The following CFAP61 variants were observed in gnomAD, a reference collection of about 807,000 sequenced individuals.
CFAP61 encodes cilia- and flagella-associated protein 61.
A neutral mutation model predicts 135.6 loss-of-function variants in CFAP61; 107 were observed. The observed-to-expected ratio is 0.79, with a 90% CI of 0.67 to 0.93. The LOEUF is 0.93. CFAP61 is among the 40% of genes least tolerant of loss of function. The probability of loss-of-function intolerance (pLI) is 0.00; values close to 1 mark genes in which losing one functional copy is unlikely to be tolerated. For synonymous variants in CFAP61, 575 were observed against 578.5 expected (o/e 0.99, Z 0.09); for missense variants, 1,507 against 1,556.2 (o/e 0.97, Z 0.53).
chr20:20,296,552 A>T (rs1337237354), intron 24 of CFAP61, among the ~76,000 whole-genome samples: 2 of 151,032 alleles, frequency 1.3e-5, no homozygotes, highest in East Asian at 1.9e-4. Context: ...TTCATCAAAA[A>T]ATCTAGTTCC....
chr20:20,348,433 A>AT (rs1227035233), intron 26 of CFAP61, among the ~76,000 whole-genome samples: 1 of 152,170 alleles, frequency 6.6e-6, no homozygotes, highest in African/African-American at 2.4e-5. Flanking sequence ...CACGCCTATA[A>AT]TCTCAGCAAT....
chr20:20,052,645 C>G, intron 1 of CFAP61, 54 bp downstream of exon 1: 1 of 1,613,386 alleles, frequency 6.2e-7, no homozygotes. Context: ...TGCAGGGCGT[C>G]CAGGGCGCAT....
intron 26 of CFAP61, among the ~76,000 whole-genome samples, chr20:20,354,451 C>T (rs1373535683): frequency 6.9e-6 from 1 of 144,830 alleles, no homozygotes; most frequent in Non-Finnish European, 1.5e-5. Flanking sequence ...TGTGGTGAGC[C>T]AAGATCATAC....
At chr20:20,087,041 C>T (rs543670335) in intron 6 of CFAP61, among the ~76,000 whole-genome samples, 1 of 152,234 alleles carries the variant, frequency 6.6e-6, no homozygotes, top group Non-Finnish European at 1.5e-5. Context: ...CAACTTGTAT[C>T]ATTATTGGTG....
chr20:20,252,779 T>C (rs2051053692), intron 20 of CFAP61, among the ~76,000 whole-genome samples: 1 of 152,236 alleles, frequency 6.6e-6, no homozygotes, highest in South Asian at 2.1e-4. Context: ...AGACAGGGTC[T>C]CCACCTGGGT....
intron 8 of CFAP61, among the ~76,000 whole-genome samples, chr20:20,099,127 T>TCACA (rs11087302): frequency 0.33 from 48,878 of 149,150 alleles, 8,102 homozygotes; most frequent in South Asian, 0.44. Flanking sequence ...GTTTCAGGTT[T>TCACA]CACACACACA....
intron 13 of CFAP61, among the ~76,000 whole-genome samples, chr20:20,179,808 AT>A (rs2146847069): frequency 6.6e-6 from 1 of 152,348 alleles, no homozygotes; most frequent in South Asian, 2.1e-4. Flanking sequence ...TCGTGCTGGG[AT>A]AACTGGGTAG....
chr20:20,198,621 C>A (rs1307516014), intron 16 of CFAP61, among the ~76,000 whole-genome samples: 2 of 152,126 alleles, frequency 1.3e-5, no homozygotes, highest in African/African-American at 4.8e-5. Context: ...TAAAGTTGAG[C>A]TTTTTGGCTC....
At chr20:20,229,486 G>T (rs2048976109) in intron 18 of CFAP61, among the ~76,000 whole-genome samples, 1 of 152,148 alleles carries the variant, frequency 6.6e-6, no homozygotes, top group Non-Finnish European at 1.5e-5. Flanking sequence ...TGAGAGGTAA[G>T]CAGGAGATGG....
Position 20,145,839 on chromosome 20 carries a change from C to T in CFAP61, c.951+2891C>T, listed in dbSNP as rs145508072. Among the ~76,000 whole-genome samples, 656 of 152,220 alleles carry T rather than the reference C, an allele frequency of 4.3e-3. 5 individuals are homozygous for T. Among genetic ancestry groups the T allele is most frequent in the African/African-American group, 0.015 (625 of 41,542 alleles). On this transcript the variant is annotated intron_variant, in intron 9 of 26. Coordinates refer to ENST00000245957, the MANE Select transcript of CFAP61 (RefSeq NM_015585.4). ...ACTTATGCACCCAATAACAGTGCTT[C>T]AAAACATACGAAGCAAAAAGTTGTA... is the stretch of plus-strand genomic sequence containing the variant.
At chr20:20,089,751 C>T (rs1293352168) in intron 6 of CFAP61, among the ~76,000 whole-genome samples, 1 of 152,082 alleles carries the variant, frequency 6.6e-6, no homozygotes, top group Non-Finnish European at 1.5e-5. Flanking sequence ...GTTTTTGTTC[C>T]CACCTGCCAC....
intron 24 of CFAP61, among the ~76,000 whole-genome samples, chr20:20,292,447 T>A (rs2147069213): frequency 6.6e-6 from 1 of 152,294 alleles, no homozygotes; most frequent in Non-Finnish European, 1.5e-5. Flanking sequence ...TCTATTGCTG[T>A]ATAAAAAACA....
rs112932946 is a variant in CFAP61 at position 20,280,334 on chromosome 20, C to T, written c.2796+2876C>T. Among the ~76,000 whole-genome samples the T allele has an allele frequency of 5.3e-3, 803 of 152,250 alleles. 4 individuals carry two copies. Among genetic ancestry groups the T allele is most frequent in the African/African-American group, 0.018 (755 of 41,536 alleles). On this transcript the variant is annotated intron_variant, in intron 22 of 26. Coordinates refer to ENST00000245957, the MANE Select transcript of CFAP61 (RefSeq NM_015585.4). ...AGGAAGAGGCAGGGAAGCCTTCTTC[C>T]CTAGAGCCTCTGGAGGGAGCATGTT...
chr20:20,249,788 T>A (rs1436322738), intron 19 of CFAP61, among the ~76,000 whole-genome samples: 1 of 152,234 alleles, frequency 6.6e-6, no homozygotes, highest in Non-Finnish European at 1.5e-5. Context: ...CCTTTATCTT[T>A]GGGCACAGCC....
At chr20:20,315,678 G>T (rs1438962224) in intron 25 of CFAP61, among the ~76,000 whole-genome samples, 1 of 151,960 alleles carries the variant, frequency 6.6e-6, no homozygotes, top group African/African-American at 2.4e-5. Flanking sequence ...TAGGTCTAAC[G>T]TTTAAGTCTT....
intron 25 of CFAP61, 116 bp from the exon 26 acceptor site, chr20:20,341,715 C>A: frequency 1.6e-6 from 1 of 643,678 alleles, no homozygotes; most frequent in Non-Finnish European, 2.7e-6. Flanking sequence ...ATTTTATGAG[C>A]AAACGATTGC....
chr20:20,271,766 T>C (rs534375054), intron 21 of CFAP61, among the ~76,000 whole-genome samples: 1 of 152,368 alleles, frequency 6.6e-6, no homozygotes, highest in East Asian at 1.9e-4. Context: ...TATCATTTGT[T>C]ATTTGCCATT....
chr20:20,200,319 A>G (rs2056547575), intron 17 of CFAP61, among the ~76,000 whole-genome samples: 1 of 152,120 alleles, frequency 6.6e-6, no homozygotes, highest in South Asian at 2.1e-4. Context: ...AGCTGGCTGC[A>G]TTCGAGATGT....
At chr20:20,085,394 A>T in intron 6 of CFAP61, 1 of 1,355,750 alleles carries the variant, frequency 7.4e-7, no homozygotes, top group South Asian at 1.2e-5. Flanking sequence ...ATGCAAGATC[A>T]TAAATTATCA....
Sources: allele counts gnomAD v4.1 joint callset (sites outside exome capture counted in the v4.1 genomes callset), GRCh38; gene constraint gnomAD v4.1.1; transcripts MANE v1.5; gene names NCBI Gene and HGNC (gene_info 2026-07-23, HGNC 2026-07-21).